The following MTHFD1 variants were observed in gnomAD, a reference collection of about 807,000 sequenced individuals.
The protein encoded by MTHFD1 is C-1-tetrahydrofolate synthase, cytoplasmic.
MTHFD1 carries 44 observed loss-of-function variants against 110.3 expected under a neutral mutation model. That is an observed-to-expected ratio of 0.40 (90% CI 0.31 to 0.51). The LOEUF is 0.51. MTHFD1 is among the 20% of genes least tolerant of loss of function. The pLI is 0.60. For synonymous variants in MTHFD1, 402 were observed against 428.8 expected (o/e 0.94, Z 0.77); for missense variants, 909 against 1,173.1 (o/e 0.77, Z 3.29).
chr14:64,446,428 G>A (rs1438762880), intron 22 of MTHFD1, among the ~76,000 whole-genome samples: 1 of 152,120 alleles, frequency 6.6e-6, no homozygotes, highest in African/African-American at 2.4e-5. Flanking sequence ...CTTGGAGGAG[G>A]TTTATGTTTA....
intron 2 of MTHFD1, among the ~76,000 whole-genome samples, chr14:64,408,946 C>G (rs1056468582): frequency 6.6e-6 from 1 of 152,036 alleles, no homozygotes; most frequent in African/African-American, 2.4e-5. Context: ...AAGACCCTGT[C>G]TCAAAAATAA....
chr14:64,397,444 C>T (rs1410421794), intron 1 of MTHFD1, among the ~76,000 whole-genome samples: 3 of 151,686 alleles, frequency 2.0e-5, no homozygotes, highest in Non-Finnish European at 4.4e-5. Flanking sequence ...AGGCGCGTGC[C>T]ACCACGCCTG....
Position 64,412,463 on chromosome 14 carries a change from G to A in MTHFD1, c.187-9G>A. The A allele has an allele frequency of 1.2e-6, 2 of 1,609,832 alleles. No homozygotes were observed. On this transcript the variant is annotated splice_polypyrimidine_tract_variant and intron_variant, in intron 3 of 27. Transcript: ENST00000652337. Reference sequence around the variant, plus strand: ...TGCCATTTACCTGCTTTTAATGTCTGTTTTGCAGATTGGGATCAAAGCCAC... The same window carrying A: ...TGCCATTTACCTGCTTTTAATGTCTATTTTGCAGATTGGGATCAAAGCCAC...
intron 18 of MTHFD1, 180 bp from the exon 19 acceptor site, chr14:64,441,205 T>C: frequency 1.5e-6 from 1 of 655,484 alleles, no homozygotes; most frequent in Non-Finnish European, 2.8e-6. Flanking sequence ...AAATAAATAA[T>C]TTAATAATTG....
At chr14:64,441,351 G>T (rs1442220158) in intron 18 of MTHFD1, 34 bp from the exon 19 acceptor site, 11 of 1,607,462 alleles carry the variant, frequency 6.8e-6, no homozygotes, top group Non-Finnish European at 9.4e-6. Context: ...TTTTTTGCTG[G>T]TGGGAGTTGA....
chr14:64,402,175 T>G (rs548497899), intron 2 of MTHFD1, among the ~76,000 whole-genome samples: 1 of 152,364 alleles, frequency 6.6e-6, no homozygotes, highest in South Asian at 2.1e-4. Flanking sequence ...CTTTGTTACA[T>G]CAAAATGTTA....
intron 27 of MTHFD1, chr14:64,458,671 C>T: frequency 2.8e-6 from 1 of 352,648 alleles, no homozygotes; most frequent in South Asian, 2.5e-5. Flanking sequence ...TCAGGAACAG[C>T]TGACGGTCTG....
rs200115519 is a variant in MTHFD1 at position 64,400,743 on chromosome 14, T to C, written c.42-50T>C. Reference sequence around the variant, plus strand: ...TACATCTAATAATCTGCATCACTTATTTGTGCTTGAAACATTCAGTGTTAA... The same window carrying C: ...TACATCTAATAATCTGCATCACTTACTTGTGCTTGAAACATTCAGTGTTAA... On this transcript the variant is annotated intron_variant, in intron 1 of 27. Coordinates refer to ENST00000652337, the MANE Select transcript of MTHFD1 (RefSeq NM_005956.4). The C allele has an allele frequency of 8.7e-5, 100 of 1,147,742 alleles. No homozygotes were observed. The East Asian group carries it at 1.5e-3, about 17-fold the overall frequency. The allele number at this position is 1,147,742 out of a possible 1,614,324, so 71.1% of individuals were successfully genotyped here.
chr14:64,437,287 TA>T (rs1440808560), intron 16 of MTHFD1, among the ~76,000 whole-genome samples: 2 of 152,192 alleles, frequency 1.3e-5, no homozygotes, highest in African/African-American at 2.4e-5. Flanking sequence ...CACCAATCTC[TA>T]AGATGAAAAA....
At chr14:64,434,652 C>T (rs974495889) in intron 15 of MTHFD1, among the ~76,000 whole-genome samples, 4 of 152,154 alleles carry the variant, frequency 2.6e-5, no homozygotes, top group Admixed American at 6.5e-5. Context: ...GCACAGCTTG[C>T]ACATTTCAAA....
chr14:64,447,146 GTTCTT>G (rs2078296187), intron 22 of MTHFD1, among the ~76,000 whole-genome samples: 1 of 120,790 alleles, frequency 8.3e-6, no homozygotes, highest in African/African-American at 3.0e-5. Flanking sequence ...ATCCAGCTCA[GTTCTT>G]TTTTTTTTTT....
At chr14:64,443,852 G>A (rs1459188267) in intron 21 of MTHFD1, among the ~76,000 whole-genome samples, 1 of 152,140 alleles carries the variant, frequency 6.6e-6, no homozygotes, top group Non-Finnish European at 1.5e-5. Context: ...TTGCACATAT[G>A]GCTCTGTCAA....
chr14:64,388,961 A>C, intron 1 of MTHFD1: 1 of 170,228 alleles, frequency 5.9e-6, no homozygotes, highest in South Asian at 1.5e-4. Context: ...AATCTAATAC[A>C]TTTTTCCTTT....
intron 15 of MTHFD1, among the ~76,000 whole-genome samples, chr14:64,432,090 C>G (rs555480075): frequency 6.6e-6 from 1 of 152,258 alleles, no homozygotes; most frequent in South Asian, 2.1e-4. Flanking sequence ...TGACAACCTG[C>G]CCTCAGCTAA....
Position 64,448,337 on chromosome 14 carries a change from G to T in MTHFD1, c.2279+20G>T. Reference sequence around the variant, plus strand: ...ATTCAAGTAAGTGTAGAGTGTAAGCGAAAAGGATGAATGTGGAAAATCTCC... The same window carrying T: ...ATTCAAGTAAGTGTAGAGTGTAAGCTAAAAGGATGAATGTGGAAAATCTCC... On this transcript the variant is annotated intron_variant, in intron 23 of 27. Coordinates refer to ENST00000652337, the MANE Select transcript of MTHFD1 (RefSeq NM_005956.4). The T allele has an allele frequency of 6.5e-7, 1 of 1,547,860 alleles. No individual in the cohort carries two copies. Among genetic ancestry groups the T allele is most frequent in the South Asian group, 1.1e-5 (1 of 89,714 alleles).
chr14:64,430,092 AG>A, intron 12 of MTHFD1, 91 bp from the exon 13 acceptor site: 1 of 1,034,156 alleles, frequency 9.7e-7, no homozygotes, highest in East Asian at 2.4e-5. Flanking sequence ...AAATGTGCTT[AG>A]TAGTTACAAT....
chr14:64,438,519 G>A (rs560125781), intron 16 of MTHFD1, among the ~76,000 whole-genome samples: 17 of 152,314 alleles, frequency 1.1e-4, no homozygotes, highest in Admixed American at 3.3e-4. Context: ...CTGGGAGGTC[G>A]TTAGTTGGTT....
chr14:64,449,934 G>A (rs766849051), intron 24 of MTHFD1, among the ~76,000 whole-genome samples: 1 of 152,176 alleles, frequency 6.6e-6, no homozygotes, highest in Admixed American at 6.5e-5. Context: ...GATTACAGGC[G>A]TCTGCCACCG....
intron 4 of MTHFD1, among the ~76,000 whole-genome samples, chr14:64,414,240 C>G (rs1371612678): frequency 6.6e-6 from 1 of 151,332 alleles, no homozygotes; most frequent in Non-Finnish European, 1.5e-5. Context: ...ACTCAAGCCT[C>G]CCAAAGTGCT....
Sources: allele counts gnomAD v4.1 joint callset (sites outside exome capture counted in the v4.1 genomes callset), GRCh38; gene constraint gnomAD v4.1.1; transcripts MANE v1.5; gene names NCBI Gene and HGNC (gene_info 2026-07-23, HGNC 2026-07-21).